The following GPR15LG variants were observed in gnomAD, a reference collection of about 807,000 sequenced individuals.
GPR15LG encodes the protein protein GPR15LG.
chr10:84,179,346 C>T, the GPR15LG span, among the ~76,000 whole-genome samples: 1 of 152,198 alleles, frequency 6.6e-6, no homozygotes, highest in Admixed American at 6.5e-5. Context: ...ACAGACCCAG[C>T]CCTGCCAGGG....
At chr10:84,180,129 T>G in the GPR15LG span, among the ~76,000 whole-genome samples, 3 of 152,236 alleles carry the variant, frequency 2.0e-5, no homozygotes, top group Non-Finnish European at 2.9e-5. Flanking sequence ...AAGCACATCT[T>G]GCACCGCCCT....
the GPR15LG span, among the ~76,000 whole-genome samples, chr10:84,180,831 T>C: frequency 1.3e-5 from 2 of 152,230 alleles, no homozygotes; most frequent in Admixed American, 1.3e-4. Flanking sequence ...CCGTCTGCAA[T>C]CCCGGCACCT....
chr10:84,181,188 A>C, the GPR15LG span, among the ~76,000 whole-genome samples: 1 of 92,074 alleles, frequency 1.1e-5, no homozygotes, highest in East Asian at 2.6e-4. Context: ...TGCAAAGAGG[A>C]GGGAGAGGGA....
the GPR15LG span, among the ~76,000 whole-genome samples, chr10:84,176,760 A>C: frequency 6.6e-6 from 1 of 152,158 alleles, no homozygotes; most frequent in African/African-American, 2.4e-5. Flanking sequence ...AACTGAATAC[A>C]TTCTGCCATG....
At chr10:84,174,052 GGCTCT>G in the GPR15LG span, 1 of 722,620 alleles carries the variant, frequency 1.4e-6, no homozygotes, top group Non-Finnish European at 2.4e-6. Flanking sequence ...CGGAAAGATG[GGCTCT>G]TTCTCCTGAA....
At chr10:84,177,138 A>G in the GPR15LG span, among the ~76,000 whole-genome samples, 3 of 152,206 alleles carry the variant, frequency 2.0e-5, no homozygotes, top group Admixed American at 6.5e-5. Context: ...GCCAGCAGGC[A>G]GCATCCAGGC....
the GPR15LG span, among the ~76,000 whole-genome samples, chr10:84,179,390 G>A: frequency 6.6e-6 from 1 of 152,164 alleles, no homozygotes; most frequent in South Asian, 2.1e-4. Flanking sequence ...CTCCAACACC[G>A]ACAACCAAAG....
the GPR15LG span, chr10:84,173,927 G>A: frequency 2.0e-5 from 32 of 1,607,338 alleles, no homozygotes; most frequent in Non-Finnish European, 2.6e-5. Flanking sequence ...AGAAGGTAGG[G>A]CAGCCCCCAG....
the GPR15LG span, chr10:84,184,627 G>A: frequency 6.3e-7 from 1 of 1,580,036 alleles, no homozygotes; most frequent in Non-Finnish European, 8.7e-7. Context: ...ACCTGGCTCT[G>A]ACCTCGCCAT....
At chr10:84,182,022 T>C in the GPR15LG span, among the ~76,000 whole-genome samples, 3 of 152,180 alleles carry the variant, frequency 2.0e-5, no homozygotes, top group Admixed American at 2.0e-4. Flanking sequence ...TCACTGTTTT[T>C]GAAACCCAGC....
At chr10:84,173,896 C>T in the GPR15LG span, 1 of 1,613,822 alleles carries the variant, frequency 6.2e-7, no homozygotes, top group Non-Finnish European at 8.5e-7. Context: ...TCCTGCTTCT[C>T]TGCTTCTCCA....
chr10:84,184,892 G>A, the GPR15LG span: 22 of 1,502,726 alleles, frequency 1.5e-5, no homozygotes, highest in African/African-American at 5.7e-5. Context: ...GCTTCATCTC[G>A]GGCTGCAAGG....
chr10:84,175,180 GTGTT>G, the GPR15LG span, among the ~76,000 whole-genome samples: 2 of 152,158 alleles, frequency 1.3e-5, no homozygotes, highest in Non-Finnish European at 2.9e-5. Flanking sequence ...ATTATAACAA[GTGTT>G]TGTTTTACAA....
the GPR15LG span, among the ~76,000 whole-genome samples, chr10:84,174,494 CTTTTTTT>C: frequency 1.0e-3 from 99 of 98,750 alleles, no homozygotes; most frequent in African/African-American, 3.4e-3. Context: ...TTTCTTTTTT[CTTTTTTT>C]TTTTTTTTTT....
chr10:84,175,227 A>G, the GPR15LG span, among the ~76,000 whole-genome samples: 1 of 152,188 alleles, frequency 6.6e-6, no homozygotes, highest in Non-Finnish European at 1.5e-5. Context: ...CACATATATA[A>G]TAAGGAAAAC....
chr10:84,177,965 C>T, the GPR15LG span, among the ~76,000 whole-genome samples: 1 of 152,034 alleles, frequency 6.6e-6, no homozygotes, highest in Non-Finnish European at 1.5e-5. Context: ...AACACATAAA[C>T]ACAAATACCT....
the GPR15LG span, chr10:84,185,099 T>A: frequency 0.27 from 314,552 of 1,150,770 alleles, 44,244 homozygotes; most frequent in African/African-American, 0.37. Context: ...GAGTGCAGGG[T>A]GGCAAGCACC....
the GPR15LG span, chr10:84,184,748 G>A: frequency 6.2e-7 from 1 of 1,613,802 alleles, no homozygotes; most frequent in Non-Finnish European, 8.5e-7. Flanking sequence ...TGGTGCCTGG[G>A]GCACTCCCAC....
the GPR15LG span, among the ~76,000 whole-genome samples, chr10:84,174,283 A>C: frequency 1.3e-5 from 2 of 152,082 alleles, no homozygotes; most frequent in African/African-American, 4.8e-5. Flanking sequence ...GAACAGAGTA[A>C]ATTAGTGTTG....
Sources: gnomAD v4.1 joint callset for allele counts (sites outside exome capture counted in the v4.1 genomes callset) on GRCh38, gnomAD v4.1.1 for gene constraint, MANE v1.5 for transcripts, NCBI Gene and HGNC (gene_info 2026-07-23, HGNC 2026-07-21) for gene names.